Variants in RASAL1 observed in about 807,000 individuals in gnomAD.
RASAL1 encodes the protein rasGAP-activating-like protein 1.
A neutral mutation model predicts 96.6 loss-of-function variants in RASAL1; 72 were observed. The observed-to-expected ratio is 0.75, with a 90% CI of 0.62 to 0.91. The LOEUF is 0.91. RASAL1 is among the 40% of genes least tolerant of loss of function. The pLI is 0.00. For synonymous variants in RASAL1, 405 were observed against 430.4 expected (o/e 0.94, Z 0.73); for missense variants, 1,016 against 1,072.5 (o/e 0.95, Z 0.74).
intron 4 of RASAL1, 75 bp downstream of exon 4, chr12:113,127,737 G>A (rs1249202990): frequency 1.1e-5 from 14 of 1,251,288 alleles, no homozygotes; most frequent in Non-Finnish European, 1.6e-5. Flanking sequence ...GCTTCACCGT[G>A]CCATGTGCTA....
At chr12:113,131,489 TC>T (rs1951708194) in intron 1 of RASAL1, among the ~76,000 whole-genome samples, 1 of 152,030 alleles carries the variant, frequency 6.6e-6, no homozygotes. Context: ...AATGGGAGCT[TC>T]CCTGGGAAGG....
At chr12:113,103,026 C>T (rs1950504953) in intron 18 of RASAL1, 1 of 299,138 alleles carries the variant, frequency 3.3e-6, no homozygotes, top group African/African-American at 2.3e-5. Context: ...GGAAGCCCTC[C>T]TTGAGTCCCC....
chr12:113,103,888 A>T, intron 18 of RASAL1, 58 bp downstream of exon 18: 1 of 1,539,180 alleles, frequency 6.5e-7, no homozygotes, highest in Non-Finnish European at 8.7e-7. Flanking sequence ...CGGAAGTGGG[A>T]CACCCGCTGA....
intron 4 of RASAL1, among the ~76,000 whole-genome samples, chr12:113,122,337 T>C (rs1249118617): frequency 6.6e-6 from 1 of 152,206 alleles, no homozygotes; most frequent in Non-Finnish European, 1.5e-5. Context: ...TTGAAGATAT[T>C]GTTCCACTGA....
chr12:113,120,689 G>C (rs1466114785), intron 5 of RASAL1, among the ~76,000 whole-genome samples: 1 of 152,126 alleles, frequency 6.6e-6, no homozygotes, highest in East Asian at 1.9e-4. Context: ...ATGACAAGTA[G>C]GCAAGAGGGA....
intron 12 of RASAL1, among the ~76,000 whole-genome samples, chr12:113,114,491 A>G (rs963071333): frequency 6.6e-5 from 10 of 150,588 alleles, no homozygotes; most frequent in South Asian, 4.2e-4. Context: ...AAAAAAAAAG[A>G]AAAAAAGGAA....
At chr12:113,102,142 A>G (rs1237403685) in intron 18 of RASAL1, 133 bp from the exon 19 acceptor site, 9 of 1,091,460 alleles carry the variant, frequency 8.2e-6, no homozygotes, top group Non-Finnish European at 1.0e-5. Context: ...TAGGCCACAC[A>G]CGGTGGCTCA....
chr12:113,110,942 A>ATAAG (rs1950845214), intron 13 of RASAL1, among the ~76,000 whole-genome samples: 1 of 152,186 alleles, frequency 6.6e-6, no homozygotes, highest in African/African-American at 2.4e-5. Context: ...AAATAAATAA[A>ATAAG]TAACCTCACA....
At chr12:113,104,905 A>G (rs533299251) in intron 16 of RASAL1, among the ~76,000 whole-genome samples, 1 of 152,202 alleles carries the variant, frequency 6.6e-6, no homozygotes. Flanking sequence ...ACATTGATCA[A>G]CTTATTTAAT....
chr12:113,100,135 A>G, intron 20 of RASAL1, 67 bp from the exon 21 acceptor site: 1 of 1,466,728 alleles, frequency 6.8e-7, no homozygotes, highest in Non-Finnish European at 9.1e-7. Flanking sequence ...ACCCGGACCC[A>G]ATGGTTTCTC....
chr12:113,130,964 G>T lies in RASAL1; in HGVS notation c.66-23C>A. ...GACCTGCAGAAGGAGGGAGTTCAGG[G>T]AGGAAGCAGGTTGAGAGGGCAGCCA... On this transcript the variant is annotated intron_variant, in intron 1 of 20. Coordinates refer to ENST00000548055, the MANE Select transcript of RASAL1 (RefSeq NM_001301202.2). This position sits in a 1 kb window ranked among gnomAD's most constrained non-coding sequence, Gnocchi z 5.1. 1 of 1,607,020 alleles carries T rather than the reference G, an allele frequency of 6.2e-7. No individual in the cohort carries two copies.
At chr12:113,104,357 C>A in intron 16 of RASAL1, 59 bp from the exon 17 acceptor site, 2 of 1,487,360 alleles carry the variant, frequency 1.3e-6, no homozygotes, top group Non-Finnish European at 1.8e-6. Flanking sequence ...GGTGGGGACA[C>A]CTTCCGTCTG....
In RASAL1 at chr12:113,119,395, AC is replaced by A; in HGVS notation, c.476del (p.Arg159LeufsTer94). The A allele has an allele frequency of 6.2e-7, 1 of 1,611,748 alleles. No homozygotes were observed. The highest frequency in any genetic ancestry group is 1.6e-4 in the Middle Eastern group (1 of 6,062). On this transcript the variant is annotated frameshift_variant, in exon 6 of 21. Coordinates refer to ENST00000548055, the MANE Select transcript of RASAL1 (RefSeq NM_001301202.2). LOFTEE classifies it high-confidence loss of function. ...CCAAGCTCTGGCTGCCCCAAAACAC[AC>A]GTGCAAATGGGTCAGATGTGCCAGA... ...DISGTSDPFA[R>X]VFWGSQSLET...
In RASAL1 at chr12:113,130,981, G is replaced by A. The variant is rs531222487; in HGVS notation, c.66-40C>T. On this transcript the variant is annotated intron_variant, in intron 1 of 20. Transcript: ENST00000548055. The surrounding 1 kb of genome is among the most constrained non-coding windows in gnomAD (Gnocchi z 5.1). ...AGTTCAGGGAGGAAGCAGGTTGAGA[G>A]GGCAGCCATGAGTGGAGGGTCCCAG... 4.5e-6 allele frequency: 7 copies of A among 1,543,142 alleles called. No homozygotes were observed. The South Asian group carries it at 7.9e-5, about 17-fold the overall frequency.
At chr12:113,123,206 A>G (rs1478194919) in intron 4 of RASAL1, among the ~76,000 whole-genome samples, 2 of 152,220 alleles carry the variant, frequency 1.3e-5, no homozygotes, top group African/African-American at 4.8e-5. Flanking sequence ...AAAATCCCGT[A>G]TATTATAATT....
At chr12:113,103,835 G>C (rs770316572) in intron 18 of RASAL1, 111 bp downstream of exon 18, 4 of 1,379,272 alleles carry the variant, frequency 2.9e-6, no homozygotes, top group East Asian at 2.5e-5. Context: ...CTGAGGCATA[G>C]AGAGGTTGAG....
In RASAL1 at chr12:113,102,020, A is replaced by G. The variant is rs1289401244; in HGVS notation, c.2105-11T>C. On this transcript the variant is annotated splice_polypyrimidine_tract_variant and intron_variant, in intron 18 of 20. Coordinates refer to ENST00000548055, the MANE Select transcript of RASAL1 (RefSeq NM_001301202.2). ...GGCTGCAGCCGGCGGCTGAGGGAAC[A>G]CAGCTTCATTCATCAGTAACTCCCT... is the stretch of plus-strand genomic sequence containing the variant. 2 of 1,610,798 alleles carry G rather than the reference A, an allele frequency of 1.2e-6. No homozygotes were observed. The highest frequency in any genetic ancestry group is 3.4e-5 in the Admixed American group (2 of 59,562).
intron 13 of RASAL1, among the ~76,000 whole-genome samples, chr12:113,110,901 C>A (rs1263538304): frequency 1.3e-5 from 2 of 152,180 alleles, no homozygotes; most frequent in South Asian, 2.1e-4. Context: ...AGCAACAGAG[C>A]AAGACCCCGT....
chr12:113,119,290 G>A (rs1951200904), intron 6 of RASAL1, 31 bp from the exon 7 acceptor site: 4 of 1,611,430 alleles, frequency 2.5e-6, no homozygotes, highest in Non-Finnish European at 3.4e-6. Context: ...CTGTGAGTGG[G>A]AGAGCTGATG....
Sources: gnomAD v4.1 joint callset for allele counts (sites outside exome capture counted in the v4.1 genomes callset) on GRCh38, gnomAD v4.1.1 for gene constraint, Gnocchi (gnomAD v3.1) non-coding constraint, MANE v1.5 for transcripts, NCBI Gene and HGNC (gene_info 2026-07-23, HGNC 2026-07-21) for gene names.